Variants in COL4A4 observed in about 807,000 individuals in gnomAD.
COL4A4 encodes collagen alpha-4(IV) chain.
A neutral mutation model predicts 192.9 loss-of-function variants in COL4A4; 105 were observed. The ratio of observed to expected loss-of-function variants is 0.54; its 90% confidence interval spans 0.46 to 0.64. COL4A4 has a LOEUF of 0.64. Among genes scored for constraint, COL4A4 ranks in the 30% least tolerant of loss-of-function variants. The pLI is 0.00. For missense variants in COL4A4, 1,967 were observed against 2,169.3 expected, an observed-to-expected ratio of 0.91 and a Z score of 1.85; for synonymous variants, 762 against 769.9, an observed-to-expected ratio of 0.99 and a Z score of 0.17.
rs144653394 is a variant in COL4A4, at chr2:227,007,063, A to G, written c.*262T>C. 67 of 544,032 alleles carry G rather than the reference A, an allele frequency of 1.2e-4. No homozygotes were observed. The highest frequency in any genetic ancestry group is 1.1e-3 in the African/African-American group (61 of 53,340). 33.7% of individuals were successfully genotyped at this position (544,032 alleles called of 1,614,324 possible). A position where few individuals can be genotyped will look rare whatever the true frequency, so the allele number is the denominator to read the frequency against. ...CCTTTCTGAGAATTAGCATATTTTT[A>G]AGTAAAGCCAGTTCTTCGATCATCC... is the stretch of plus-strand genomic sequence containing the variant. On this transcript the variant is annotated 3_prime_UTR_variant, in exon 48 of 48. Coordinates refer to ENST00000396625, the MANE Select transcript of COL4A4 (RefSeq NM_000092.5).
chr2:227,101,238 C>T (rs1051080452), intron 17 of COL4A4, among the ~76,000 whole-genome samples: 1 of 152,128 alleles, frequency 6.6e-6, no homozygotes. Flanking sequence ...TCCTTCTTGC[C>T]TTCTGCCATG....
At chr2:227,031,041 A>AGATGGATGGATG (rs58038992) in intron 40 of COL4A4, among the ~76,000 whole-genome samples, 27,048 of 146,088 alleles carry the variant, frequency 0.19, 2,689 homozygotes, top group South Asian at 0.25. Flanking sequence ...TTGGATGGAC[A>AGATGGATGGATG]GATGGATGGA....
At chr2:227,104,475 G>C (rs2150813164) in intron 12 of COL4A4, among the ~76,000 whole-genome samples, 1 of 149,772 alleles carries the variant, frequency 6.7e-6, no homozygotes, top group South Asian at 2.1e-4. Flanking sequence ...CCAGCTACTT[G>C]GGAGGCTGAG....
chr2:227,066,192 G>C (rs1445125125), intron 25 of COL4A4, among the ~76,000 whole-genome samples: 1 of 152,026 alleles, frequency 6.6e-6, no homozygotes, highest in East Asian at 1.9e-4. Flanking sequence ...AATGAGCAAA[G>C]CCTCCAAGAA....
chr2:227,043,912 C>T (rs1284717896), intron 35 of COL4A4, among the ~76,000 whole-genome samples: 1 of 152,180 alleles, frequency 6.6e-6, no homozygotes, highest in Non-Finnish European at 1.5e-5. Context: ...CCCCAATTAT[C>T]CCCTTAATGT....
chr2:227,030,393 G>A, intron 41 of COL4A4, 50 bp downstream of exon 41: 14 of 1,595,706 alleles, frequency 8.8e-6, no homozygotes, highest in Non-Finnish European at 1.1e-5. Flanking sequence ...ACCCTCAAGG[G>A]TAAGATAACC....
At position 227,121,145 on chromosome 2, in the gene COL4A4, G is replaced by T; in HGVS notation, c.196C>A (p.Pro66Thr). 4 of 1,613,998 alleles carry T rather than the reference G, an allele frequency of 2.5e-6. No homozygotes were observed. The highest frequency in any genetic ancestry group is 3.4e-6 in the Non-Finnish European group (4 of 1,179,942). Residue 66 changes from proline to threonine, a missense_variant, in exon 5 of 48, where the codon CCA becomes ACA. By Grantham distance (38) the Pro-to-Thr change is conservative. Transcript: ENST00000396625. ...CCCTGTGGCCCTGGTGGTCCTGGTGGACCCTGAGAAGGAAGATTAAAAAGA... is the reference window on the plus strand; with the variant it reads ...CCCTGTGGCCCTGGTGGTCCTGGTGTACCCTGAGAAGGAAGATTAAAAAGA... ...HCVPEKGSRGPPGPPGPQGPI... is the reference protein window; with the variant it reads ...HCVPEKGSRGTPGPPGPQGPI...
intron 18 of COL4A4, 91 bp downstream of exon 18, chr2:227,099,529 G>C: frequency 8.6e-7 from 1 of 1,166,208 alleles, no homozygotes; most frequent in Non-Finnish European, 1.3e-6. Flanking sequence ...TAGTGTGCAA[G>C]CTATGGAAAT....
At chr2:227,059,148 T>C (rs1347522315) in intron 28 of COL4A4, among the ~76,000 whole-genome samples, 1 of 152,120 alleles carries the variant, frequency 6.6e-6, no homozygotes. Flanking sequence ...AGCACCAACA[T>C]ACTAGCTGCG....
chr2:227,142,792 T>C (rs958405948), intron 3 of COL4A4, among the ~76,000 whole-genome samples: 1 of 151,978 alleles, frequency 6.6e-6, no homozygotes, highest in Non-Finnish European at 1.5e-5. Flanking sequence ...AAAGAAGTTA[T>C]TAATGTCTTA....
chr2:227,152,854 AGT>A (rs2064047380), intron 1 of COL4A4, among the ~76,000 whole-genome samples: 1 of 152,204 alleles, frequency 6.6e-6, no homozygotes, highest in African/African-American at 2.4e-5. Flanking sequence ...TAGACGAAGC[AGT>A]GTGTTTCTGT....
chr2:227,029,478 T>C (rs1967786902), intron 41 of COL4A4, among the ~76,000 whole-genome samples: 1 of 152,254 alleles, frequency 6.6e-6, no homozygotes, highest in South Asian at 2.1e-4. Flanking sequence ...ATTCCACAGA[T>C]GCCATTTGCA....
In COL4A4 at chr2:227,027,249, CAA is replaced by C. The variant is rs35287644; in HGVS notation, c.4081+651_4081+652del. 3.3e-3 allele frequency among the ~76,000 whole-genome samples: 403 copies of C among 121,660 alleles called. 3 individuals carry two copies. The highest frequency in any genetic ancestry group is 5.2e-3 in the Non-Finnish European group (293 of 56,240). The allele number at this position is 121,660 out of a possible 152,430, so 79.8% of individuals were successfully genotyped here. Reference sequence around the variant, plus strand: ...CCTGGATGACAGAGCAAGACTGTCTCAAAAAAAAAAAAAATAGAAAAAAAAAT... The same window carrying C: ...CCTGGATGACAGAGCAAGACTGTCTCAAAAAAAAAAAATAGAAAAAAAAAT... On this transcript the variant is annotated intron_variant, in intron 42 of 47. Transcript: ENST00000396625.
At chr2:227,140,368 T>C in intron 3 of COL4A4, 130 bp from the exon 4 acceptor site, 1 of 750,356 alleles carries the variant, frequency 1.3e-6, no homozygotes, top group Non-Finnish European at 2.3e-6. Context: ...TCATGACATA[T>C]AAAAAGATGA....
chr2:226,986,980 T>C, the COL4A4 span, among the ~76,000 whole-genome samples: 7 of 152,224 alleles, frequency 4.6e-5, no homozygotes, highest in African/African-American at 1.7e-4. Context: ...ATGTACACCA[T>C]GGAATACTAT....
intron 24 of COL4A4, among the ~76,000 whole-genome samples, chr2:227,078,770 T>C (rs1334296633): frequency 6.6e-6 from 1 of 152,188 alleles, no homozygotes; most frequent in Non-Finnish European, 1.5e-5. Flanking sequence ...ATAGCTAGAC[T>C]CCATCATCCT....
Position 227,055,975 on chromosome 2 carries a change from C to T in COL4A4, c.2686G>A (p.Asp896Asn). The T allele has an allele frequency of 1.2e-6, 2 of 1,614,014 alleles. No homozygotes were observed. The highest frequency in any genetic ancestry group is 1.7e-6 in the Non-Finnish European group (2 of 1,179,978). ...GGACCTGGAGGACCAGGTAGCCCAT[C>T]ATCTCCAAAGGGACCTGGGATTCCT... ...LPGIPGPFGDDGLPGPPGPKG... is the reference protein window; with the variant it reads ...LPGIPGPFGDNGLPGPPGPKG... Residue 896 changes from aspartate (D) to asparagine (N), a missense_variant, in exon 30 of 48, where the codon GAT becomes AAT. Transcript: ENST00000396625.
chr2:227,039,300 G>A (rs1233040348), intron 37 of COL4A4, among the ~76,000 whole-genome samples: 1 of 152,078 alleles, frequency 6.6e-6, no homozygotes, highest in Non-Finnish European at 1.5e-5. Flanking sequence ...CCAAGTAGCT[G>A]GGACTACAGG....
the COL4A4 span, among the ~76,000 whole-genome samples, chr2:226,968,262 CAT>C: frequency 2.6e-3 from 401 of 152,228 alleles, 1 homozygote; most frequent in South Asian, 6.4e-3. Context: ...CCAGTGGAGA[CAT>C]ATATTAAGAG....
Sources: allele counts gnomAD v4.1 joint callset (sites outside exome capture counted in the v4.1 genomes callset), GRCh38; gene constraint gnomAD v4.1.1; transcripts MANE v1.5; gene names NCBI Gene and HGNC (gene_info 2026-07-23, HGNC 2026-07-21).